CDH23: variants seen among roughly 807,000 people sequenced by gnomAD.
CDH23 encodes cadherin related 23.
A neutral mutation model predicts 317.1 loss-of-function variants in CDH23; 189 were observed. That is an observed-to-expected ratio of 0.60 (90% CI 0.53 to 0.67). CDH23 has a LOEUF of 0.67. Ranked by LOEUF, CDH23 falls within the 30% of genes least tolerant of loss-of-function variation. CDH23 has a pLI of 0.00. For synonymous variants in CDH23, 1,839 were observed against 1,876.8 expected (o/e 0.98, Z 0.52); for missense variants, 4,401 against 4,592.4 (o/e 0.96, Z 1.20).
chr10:71,439,008 G>A (rs1415299078), intron 1 of CDH23, among the ~76,000 whole-genome samples: 4 of 152,140 alleles, frequency 2.6e-5, no homozygotes, highest in Non-Finnish European at 5.9e-5. Flanking sequence ...GGAGGACCAG[G>A]GCCCTGATGG....
intron 1 of CDH23, among the ~76,000 whole-genome samples, chr10:71,426,299 AG>A (rs1564572243): frequency 3.3e-5 from 5 of 152,268 alleles, no homozygotes. Flanking sequence ...GCACTTTCAG[AG>A]GGGGGCCAGG....
intron 7 of CDH23, among the ~76,000 whole-genome samples, chr10:71,567,702 C>G (rs1857489891): frequency 6.6e-6 from 1 of 152,210 alleles, no homozygotes; most frequent in African/African-American, 2.4e-5. Flanking sequence ...TTGGGAGATC[C>G]TGGGGAACAG....
chr10:71,803,033 C>A lies in CDH23; in HGVS notation c.7618C>A (p.Pro2540Thr). 1 of 1,613,860 alleles carries A rather than the reference C, an allele frequency of 6.2e-7. No individual in the cohort carries two copies. The highest frequency in any genetic ancestry group is 8.5e-7 in the Non-Finnish European group (1 of 1,179,774). Residue 2540 changes from proline (P) to threonine (T), a missense_variant, in exon 54 of 70, where the codon CCC (proline) becomes ACC (threonine). Physicochemically the swap from Pro to Thr is conservative, Grantham distance 38. Coordinates refer to ENST00000224721, the MANE Select transcript of CDH23 (RefSeq NM_022124.6). ...TMMATDQDEG[P>T]NGELTYSLEG... ...GATGGCCACTGACCAGGATGAAGGT[C>A]CCAATGGAGAGTTGACCTACTCACT...
chr10:71,754,165 C>T (rs904034601), intron 38 of CDH23, among the ~76,000 whole-genome samples: 6 of 152,148 alleles, frequency 3.9e-5, no homozygotes, highest in East Asian at 3.9e-4. Context: ...TGCTGCCCAG[C>T]GTTGCTCTTC....
At chr10:71,622,451 T>G (rs561032487) in intron 11 of CDH23, among the ~76,000 whole-genome samples, 28 of 152,208 alleles carry the variant, frequency 1.8e-4, no homozygotes, top group Non-Finnish European at 3.2e-4. Context: ...TTCCTCCACT[T>G]AGGCGCCAGT....
chr10:71,748,910 A>G (rs1370954504), intron 38 of CDH23: 5 of 152,886 alleles, frequency 3.3e-5, no homozygotes, highest in Admixed American at 6.5e-5. Flanking sequence ...GGGAGCTCAG[A>G]GTAAATTTCG....
At chr10:71,527,415 G>A (rs1207541918) in intron 6 of CDH23, among the ~76,000 whole-genome samples, 1 of 152,228 alleles carries the variant, frequency 6.6e-6, no homozygotes, top group African/African-American at 2.4e-5. Context: ...CCAGGTCGAC[G>A]CAGCACAGCT....
At chr10:71,617,478 T>C in intron 11 of CDH23, 85 bp downstream of exon 11, 3 of 1,541,092 alleles carry the variant, frequency 1.9e-6, no homozygotes, top group Non-Finnish European at 2.6e-6. Flanking sequence ...TCCTCAGCTA[T>C]AAAATAGAAA....
intron 6 of CDH23, among the ~76,000 whole-genome samples, chr10:71,533,032 G>A (rs569162114): frequency 9.0e-4 from 137 of 152,236 alleles, no homozygotes; most frequent in African/African-American, 3.2e-3. Context: ...GCGCCCAGCC[G>A]AGTATTTTTA....
At chr10:71,759,640 C>A (rs559387231) in intron 38 of CDH23, among the ~76,000 whole-genome samples, 1 of 151,826 alleles carries the variant, frequency 6.6e-6, no homozygotes, top group Non-Finnish European at 1.5e-5. Context: ...AACCCCAGCT[C>A]CACTAAAAAT....
At chr10:71,775,116 C>G (rs1354747624) in intron 38 of CDH23, among the ~76,000 whole-genome samples, 5 of 152,196 alleles carry the variant, frequency 3.3e-5, no homozygotes, top group Non-Finnish European at 7.4e-5. Context: ...CCTTGGAAGG[C>G]AGCCCAGGGC....
intron 3 of CDH23, among the ~76,000 whole-genome samples, chr10:71,505,844 A>G (rs965007211): frequency 1.3e-5 from 2 of 152,252 alleles, no homozygotes; most frequent in African/African-American, 2.4e-5. Flanking sequence ...TAATTTAAAC[A>G]TAGAATTACT....
chr10:71,453,509 T>G (rs1850548948), intron 3 of CDH23, among the ~76,000 whole-genome samples: 1 of 152,212 alleles, frequency 6.6e-6, no homozygotes, highest in Non-Finnish European at 1.5e-5. Flanking sequence ...GCATAGATGC[T>G]GGCAGGCACG....
Position 71,570,886 on chromosome 10 carries a change from T to G in CDH23, c.721T>G (p.Tyr241Asp), listed in dbSNP as rs2132375398. ...DMDPIFINLPYSTNIYEHSPP... is the reference protein window; with the variant it reads ...DMDPIFINLPDSTNIYEHSPP... The stretch of plus-strand genomic sequence containing the variant: ...GGACCCCATCTTCATCAACCTGCCT[T>G]ACAGCACCAACATCTACGAGCATTC... Residue 241 changes from tyrosine (Y) to aspartate (D), a missense_variant, in exon 8 of 70, where the codon TAC becomes GAC. Tyr to Asp is a radical substitution (Grantham distance 160). Coordinates refer to ENST00000224721, the MANE Select transcript of CDH23 (RefSeq NM_022124.6). 6.2e-7 allele frequency: 1 copy of G among 1,614,014 alleles called. No homozygotes were observed. Among genetic ancestry groups the G allele is most frequent in the East Asian group, 2.2e-5 (1 of 44,886 alleles).
At chr10:71,543,022 A>G (rs1417693858) in intron 6 of CDH23, among the ~76,000 whole-genome samples, 1 of 152,250 alleles carries the variant, frequency 6.6e-6, no homozygotes, top group East Asian at 1.9e-4. Context: ...TCCAGAGGCC[A>G]GCGTTGCAGT....
chr10:71,799,758 T>C, intron 52 of CDH23, 129 bp downstream of exon 52: 1 of 1,287,558 alleles, frequency 7.8e-7, no homozygotes, highest in Non-Finnish European at 1.1e-6. Flanking sequence ...CCCCAGAGGT[T>C]CTTTAGCCAA....
intron 6 of CDH23, among the ~76,000 whole-genome samples, chr10:71,527,307 C>G (rs1309381854): frequency 2.0e-5 from 3 of 152,242 alleles, no homozygotes; most frequent in African/African-American, 4.8e-5. Context: ...GTCAGTGCCC[C>G]CAAGTGCTAA....
intron 24 of CDH23, 82 bp from the exon 25 acceptor site, chr10:71,704,829 G>A: frequency 1.8e-6 from 2 of 1,101,450 alleles, no homozygotes; most frequent in Non-Finnish European, 2.7e-6. Flanking sequence ...TGGCTTGGCA[G>A]GGAGGAGGAG....
At position 71,716,087 on chromosome 10, in the gene CDH23, T is replaced by C. The variant is rs762442680; in HGVS notation, c.3369+3274T>C. 1.8e-5 allele frequency: 28 copies of C among 1,529,166 alleles called. 1 individual carries two copies. Among genetic ancestry groups the C allele is most frequent in the Middle Eastern group, 3.6e-4 (2 of 5,542 alleles). 94.7% of individuals were successfully genotyped at this position (1,529,166 alleles called of 1,614,324 possible). A position where few individuals can be genotyped will look rare whatever the true frequency, so the allele number is the denominator to read the frequency against. ...GCGCTTCCAGAGCCGGAGCTGGGGCTCACTGGGGCTCCCAGGGTGGTGGGG... is the reference window on the plus strand; with the variant it reads ...GCGCTTCCAGAGCCGGAGCTGGGGCCCACTGGGGCTCCCAGGGTGGTGGGG... On this transcript the variant is annotated intron_variant, in intron 28 of 69. Coordinates refer to ENST00000224721, the MANE Select transcript of CDH23 (RefSeq NM_022124.6).
Sources: allele counts gnomAD v4.1 joint callset (sites outside exome capture counted in the v4.1 genomes callset), GRCh38; gene constraint gnomAD v4.1.1; transcripts MANE v1.5; gene names NCBI Gene and HGNC (gene_info 2026-07-23, HGNC 2026-07-21).